The following RNF123 variants were observed in gnomAD, a reference collection of about 807,000 sequenced individuals.
RNF123 encodes E3 ubiquitin-protein ligase RNF123.
Under a neutral mutation model 168.5 loss-of-function variants are expected in RNF123, and 86 were observed. The ratio of observed to expected loss-of-function variants is 0.51; its 90% CI spans 0.43 to 0.61. The LOEUF (loss-of-function observed/expected upper bound fraction) is 0.61, where lower values mean the gene tolerates loss of function less well. Among genes scored for constraint, RNF123 ranks in the 20% least tolerant of loss-of-function variants. The pLI is 0.00. For missense variants in RNF123, 1,419 were observed against 1,729.7 expected (o/e 0.82, Z 3.19); for synonymous variants, 666 against 689.1 (o/e 0.97, Z 0.52).
intron 26 of RNF123, among the ~76,000 whole-genome samples, chr3:49,707,958 C>A (rs1009906593): frequency 6.6e-6 from 1 of 151,868 alleles, no homozygotes; most frequent in African/African-American, 2.4e-5. Flanking sequence ...TAAAATGTAC[C>A]ATCCTAGCTG....
At chr3:49,697,556 G>C in intron 5 of RNF123, 99 bp downstream of exon 5, 1 of 983,366 alleles carries the variant, frequency 1.0e-6, no homozygotes, top group Non-Finnish European at 1.5e-6. Flanking sequence ...CATCTGATGG[G>C]GCTGCAGCCA....
intron 19 of RNF123, 86 bp downstream of exon 19, chr3:49,702,491 C>T: frequency 6.3e-7 from 1 of 1,598,316 alleles, no homozygotes; most frequent in Non-Finnish European, 8.6e-7. Flanking sequence ...TCTCGGACTG[C>T]CTCATCCCTG....
chr3:49,701,678 G>A, intron 16 of RNF123, 70 bp downstream of exon 16: 1 of 1,482,292 alleles, frequency 6.7e-7, no homozygotes, highest in Non-Finnish European at 9.4e-7. Context: ...TGGCCACTGG[G>A]CATCTAGCAT....
Position 49,716,182 on chromosome 3 carries a change from G to T in RNF123, c.3415+5G>T. On this transcript the variant is annotated splice_donor_5th_base_variant and intron_variant, in intron 34 of 38. Transcript: ENST00000327697. ...TGGTCACCCTACGGCTGCCTGGTGA[G>T]GACCTAGATGCCCTGCACCCCAACA... 1 of 1,613,338 alleles carries T rather than the reference G, an allele frequency of 6.2e-7. No homozygotes were observed. The highest frequency in any genetic ancestry group is 8.5e-7 in the Non-Finnish European group (1 of 1,179,690).
rs374640844 is a variant in RNF123 at position 49,719,144 on chromosome 3, C to T, written c.3501-1367C>T. 1.9e-5 allele frequency: 30 copies of T among 1,613,490 alleles called. 1 individual carries two copies. Among genetic ancestry groups the T allele is most frequent in the Admixed American group, 1.7e-4 (10 of 60,006 alleles). On this transcript the variant is annotated intron_variant, in intron 35 of 38. Transcript: ENST00000327697. ...AGATCGAGCAGCCTCAGGCCGCTGG[C>T]GTTGACGAAGACGCCGCGACCCAGC...
At chr3:49,692,127 C>T (rs530998412) in intron 3 of RNF123, among the ~76,000 whole-genome samples, 15 of 152,134 alleles carry the variant, frequency 9.9e-5, no homozygotes, top group Admixed American at 4.6e-4. Context: ...CACCTGTAGT[C>T]CCAGCTGTTA....
chr3:49,700,772 A>C, intron 15 of RNF123, 63 bp downstream of exon 15: 1 of 1,559,312 alleles, frequency 6.4e-7, no homozygotes, highest in African/African-American at 1.4e-5. Context: ...AGCAGAGGCC[A>C]GGAAGGGGAG....
At chr3:49,709,394 G>A (rs1383357938) in intron 26 of RNF123, among the ~76,000 whole-genome samples, 20 of 148,664 alleles carry the variant, frequency 1.3e-4, no homozygotes, top group Admixed American at 6.7e-4. Flanking sequence ...TCCGCCTCCC[G>A]GGTTCACACC....
intron 15 of RNF123, among the ~76,000 whole-genome samples, chr3:49,701,195 C>A (rs541276813): frequency 2.6e-5 from 4 of 152,340 alleles, no homozygotes; most frequent in Non-Finnish European, 1.5e-5. Context: ...ACACAGAGGT[C>A]AGAGTTGGGG....
Position 49,699,799 on chromosome 3 carries a change from A to G in RNF123, c.984+27A>G. The G allele has an allele frequency of 6.2e-7, 1 of 1,601,384 alleles. No homozygotes were observed. The highest frequency in any genetic ancestry group is 8.5e-7 in the Non-Finnish European group (1 of 1,170,202). On this transcript the variant is annotated intron_variant, in intron 12 of 38. Coordinates refer to ENST00000327697, the MANE Select transcript of RNF123 (RefSeq NM_022064.5). The surrounding 1 kb of genome is among the most constrained non-coding windows in gnomAD (Gnocchi z 4.8). ...TGAGCGGCATTGGGAGGGGCATGGG[A>G]GGGGAGGAGACAGGCCATGCTAGAC... is the stretch of plus-strand genomic sequence containing the variant.
At chr3:49,714,031 G>C in intron 30 of RNF123, 34 bp downstream of exon 30, 1 of 1,613,930 alleles carries the variant, frequency 6.2e-7, no homozygotes, top group Admixed American at 1.7e-5. Flanking sequence ...GGCTGAGGCT[G>C]GCTGGAGGGA....
intron 18 of RNF123, 33 bp from the exon 19 acceptor site, chr3:49,702,300 GC>G: frequency 6.2e-7 from 1 of 1,611,842 alleles, no homozygotes; most frequent in Non-Finnish European, 8.5e-7. Context: ...TGCATTCTCA[GC>G]TCAGCACAGC....
chr3:49,718,700 C>G (rs914689639), intron 35 of RNF123: 1 of 1,612,874 alleles, frequency 6.2e-7, no homozygotes, highest in African/African-American at 1.3e-5. Flanking sequence ...GACGCGGGTA[C>G]CTTGAAGGCC....
At chr3:49,692,017 G>A (rs1340717179) in intron 3 of RNF123, among the ~76,000 whole-genome samples, 1 of 152,242 alleles carries the variant, frequency 6.6e-6, no homozygotes. Context: ...GCCAAGGTGG[G>A]TAGATTGCTT....
chr3:49,699,228 G>C lies in RNF123; in HGVS notation c.764+123G>C. ...GGCCCTGGCTGCTGCAGAGTTAGTG[G>C]GGGGCCATGTAGAGTGTCGAAGAAA... is the stretch of plus-strand genomic sequence containing the variant. On this transcript the variant is annotated intron_variant, in intron 10 of 38. Transcript: ENST00000327697. This position sits in a 1 kb window ranked among gnomAD's most constrained non-coding sequence, Gnocchi z 4.8. 1 of 1,360,318 alleles carries C rather than the reference G, an allele frequency of 7.4e-7. No individual in the cohort carries two copies. Among genetic ancestry groups the C allele is most frequent in the Non-Finnish European group, 1.0e-6 (1 of 1,001,342 alleles). 84.3% of individuals were successfully genotyped at this position (1,360,318 alleles called of 1,614,324 possible).
rs1345871169 is a variant in RNF123 at position 49,690,754 on chromosome 3, T to A, written c.-36-376T>A. Reference sequence around the variant, plus strand: ...GCTTCTGGTTGTGAGCTGGACTCAGTATGGCTTACAACTGAGATGGATACA... The same window carrying A: ...GCTTCTGGTTGTGAGCTGGACTCAGAATGGCTTACAACTGAGATGGATACA... On this transcript the variant is annotated intron_variant, in intron 1 of 38. Coordinates refer to ENST00000327697, the MANE Select transcript of RNF123 (RefSeq NM_022064.5). Among the ~76,000 whole-genome samples the A allele has an allele frequency of 6.6e-5, 10 of 152,360 alleles. No individual in the cohort carries two copies. The South Asian group carries it at 2.1e-3, about 32-fold the overall frequency.
chr3:49,691,833 C>T (rs1013649269), intron 3 of RNF123, among the ~76,000 whole-genome samples: 1 of 152,250 alleles, frequency 6.6e-6, no homozygotes, highest in African/African-American at 2.4e-5. Context: ...TGGCCCCAGC[C>T]TGGCCCCTTG....
chr3:49,711,381 C>G (rs1374304556), intron 26 of RNF123, among the ~76,000 whole-genome samples: 1 of 152,188 alleles, frequency 6.6e-6, no homozygotes, highest in Admixed American at 6.5e-5. Context: ...GGCTCTTCCC[C>G]ATCTCTGAAA....
At position 49,700,282 on chromosome 3, in the gene RNF123, A is replaced by T; in HGVS notation, c.1040A>T (p.Glu347Val). 1.9e-6 allele frequency: 3 copies of T among 1,614,194 alleles called. No individual in the cohort carries two copies. The highest frequency in any genetic ancestry group is 1.7e-6 in the Non-Finnish European group (2 of 1,180,028). ...ATGAGCTTCTTGCTGGGCATCGTGG[A>T]GAAGGGCACACCCACACAGGCACAG... ...VLMSFLLGIVEKGTPTQAQSV... is the reference protein window; with the variant it reads ...VLMSFLLGIVVKGTPTQAQSV... The change falls in exon 13 of 39, where the codon GAG (glutamate) becomes GTG (valine). Residue 347 changes from glutamate (E) to valine (V), a missense_variant. This residue lies in a region of RNF123 where 349 missense variants were observed against 344.9 expected (regional missense o/e 1.01). Transcript: ENST00000327697.
Sources: gnomAD v4.1 joint callset for allele counts (sites outside exome capture counted in the v4.1 genomes callset) on GRCh38, gnomAD v4.1.1 for gene constraint, gnomAD v4.1.1 regional missense constraint, Gnocchi (gnomAD v3.1) non-coding constraint, MANE v1.5 for transcripts, NCBI Gene and HGNC (gene_info 2026-07-23, HGNC 2026-07-21) for gene names.